The following CST2 variants were observed in gnomAD, a reference collection of about 807,000 sequenced individuals.
CST2 encodes the protein cystatin SA.
Under a neutral mutation model 13.4 loss-of-function variants are expected in CST2, and 26 were observed. The ratio of observed to expected loss-of-function variants is 1.95; its 90% CI spans 1.43 to 2.70. The LOEUF is 2.70. Among genes scored for constraint, CST2 ranks in the 30% most tolerant of loss-of-function variants. CST2 has a pLI of 0.00. For missense variants in CST2, 243 were observed against 173.4 expected (o/e 1.40, Z -2.25); for synonymous variants, 105 against 71.1 (o/e 1.48, Z -2.40).
chr20:23,823,831 A>G lies in CST2; in HGVS notation c.*189T>C. Reference sequence around the variant, plus strand: ...GTGTACCATGTACCAGGGCTATGAGAAGCAAAAGGAAGGAGGGAGGGCAGA... The same window carrying G: ...GTGTACCATGTACCAGGGCTATGAGGAGCAAAAGGAAGGAGGGAGGGCAGA... On this transcript the variant is annotated 3_prime_UTR_variant, in exon 3 of 3. Transcript: ENST00000304725. 1.6e-6 allele frequency: 1 copy of G among 611,240 alleles called. No individual in the cohort carries two copies. Among genetic ancestry groups the G allele is most frequent in the East Asian group, 2.8e-5 (1 of 36,176 alleles). The allele number at this position is 611,240 out of a possible 1,614,324, so 37.9% of individuals were successfully genotyped here. A position where few individuals can be genotyped will look rare whatever the true frequency, so the allele number is the denominator to read the frequency against.
chr20:23,823,885 G>C lies in CST2; in HGVS notation c.*135C>G, dbSNP rs1366696843. On this transcript the variant is annotated 3_prime_UTR_variant, in exon 3 of 3. Transcript: ENST00000304725. ...CCCTGCTGAGCAACAAAGGCCTCCT[G>C]CAGCCTTCTCTGTCTTCTCCTGCTG... 1 of 913,246 alleles carries C rather than the reference G, an allele frequency of 1.1e-6. No homozygotes were observed. The allele number at this position is 913,246 out of a possible 1,614,324, so 56.6% of individuals were successfully genotyped here.
chr20:23,826,344 A>G (rs1217558656), intron 1 of CST2, 89 bp downstream of exon 1: 6 of 991,140 alleles, frequency 6.1e-6, no homozygotes, highest in Middle Eastern at 2.1e-4. Flanking sequence ...TCATGAATGT[A>G]TCAGTGTTGA....
chr20:23,826,464 C>T lies in CST2; in HGVS notation c.197G>A (p.Arg66His), dbSNP rs202098615. The T allele has an allele frequency of 7.6e-5, 123 of 1,614,040 alleles. No homozygotes were observed. The highest frequency in any genetic ancestry group is 2.7e-4 in the Admixed American group (16 of 60,004). The change falls in exon 1 of 3, where the codon CGC (arginine) becomes CAC (histidine). Residue 66 changes from arginine to histidine, a missense_variant. Arg to His is a conservative substitution (Grantham distance 29, BLOSUM62 0). Coordinates refer to ENST00000304725, the MANE Select transcript of CST2 (RefSeq NM_001322.3). ...NKATEDEYYR[R>H]LLRVLRAREQ... is the part of the protein sequence containing the mutation. The stretch of plus-strand genomic sequence containing the variant: ...CCTGGCTCGTAGCACCCGCAGCAGG[C>T]GTCTGTAGTACTCATCTTCAGTGGC...
At chr20:23,824,852 C>T (rs1984776224) in intron 2 of CST2, among the ~76,000 whole-genome samples, 1 of 151,992 alleles carries the variant, frequency 6.6e-6, no homozygotes, top group Non-Finnish European at 1.5e-5. Context: ...AAACACATCA[C>T]CCTCCTCCCT....
chr20:23,826,421 G>C lies in CST2; in HGVS notation c.228+12C>G, dbSNP rs368068289. The C allele has an allele frequency of 6.2e-7, 1 of 1,611,060 alleles. No individual in the cohort carries two copies. Among genetic ancestry groups the C allele is most frequent in the Admixed American group, 1.7e-5 (1 of 60,002 alleles). ...TGGGACTCAGGACCCCTCAGGTGGA[G>C]GCAGCACCCACCTGCTCCCTGGCTC... On this transcript the variant is annotated intron_variant, in intron 1 of 2. Coordinates refer to ENST00000304725, the MANE Select transcript of CST2 (RefSeq NM_001322.3).
intron 1 of CST2, among the ~76,000 whole-genome samples, chr20:23,826,017 C>G (rs1201524543): frequency 1.3e-5 from 2 of 152,198 alleles, no homozygotes; most frequent in African/African-American, 4.8e-5. Flanking sequence ...GTGCTCCACC[C>G]CAGCAGGGAC....
In CST2 at chr20:23,823,951, G is replaced by GGGGTGGGAGCAC; in HGVS notation, c.*68_*69insGTGCTCCCACCC. Reference sequence around the variant, plus strand: ...ACCTCCCACAGGGTGGGGGCCACCAGTCCAGGGGTGGGAGCACTACAAGGG... The same window carrying GGGGTGGGAGCAC: ...ACCTCCCACAGGGTGGGGGCCACCAGGGGTGGGAGCACTCCAGGGGTGGGAGCACTACAAGGG... On this transcript the variant is annotated 3_prime_UTR_variant, in exon 3 of 3. Transcript: ENST00000304725. 1 of 1,556,540 alleles carries GGGGTGGGAGCAC rather than the reference G, an allele frequency of 6.4e-7. No individual in the cohort carries two copies. The highest frequency in any genetic ancestry group is 8.8e-7 in the Non-Finnish European group (1 of 1,130,710).
In CST2 at chr20:23,826,639, G is replaced by A; in HGVS notation, c.22C>T (p.Leu8=). 1 of 1,607,622 alleles carries A rather than the reference G, an allele frequency of 6.2e-7. No individual in the cohort carries two copies. Among genetic ancestry groups the A allele is most frequent in the Non-Finnish European group, 8.5e-7 (1 of 1,177,486 alleles). MAWPLCT[L]LLLLATQAVA... ...GCCTGGGTGGCCAGCAGGAGCAGCAGGGTGCACAGGGGCCAGGCCATGGTC... is the reference window on the plus strand; with the variant it reads ...GCCTGGGTGGCCAGCAGGAGCAGCAAGGTGCACAGGGGCCAGGCCATGGTC... The change falls in exon 1 of 3, where the codon CTG becomes TTG. Residue 8 remains leucine, a synonymous_variant. Transcript: ENST00000304725.
chr20:23,826,560 A>G lies in CST2; in HGVS notation c.101T>C (p.Ile34Thr), dbSNP rs906355249. 3.1e-6 allele frequency: 5 copies of G among 1,613,986 alleles called. No homozygotes were observed. The highest frequency in any genetic ancestry group is 4.2e-6 in the Non-Finnish European group (5 of 1,180,018). The change falls in exon 1 of 3, where the codon ATC (isoleucine) becomes ACC (threonine). Residue 34 changes from isoleucine to threonine, a missense_variant. Transcript: ENST00000304725. ...QEEDRIIEGG[I>T]YDADLNDERV... ...CTCATCATTGAGGTCTGCATCATAG[A>G]TGCCACCCTCGATTATCCTGTCCTC...
chr20:23,825,080 C>T (rs1984786186), intron 2 of CST2, 130 bp downstream of exon 2: 5 of 1,240,978 alleles, frequency 4.0e-6, no homozygotes, highest in Admixed American at 3.6e-5. Flanking sequence ...ATGTATACAT[C>T]CATGCATACA....
In CST2 at chr20:23,826,568, C is replaced by T. The variant is rs755873737; in HGVS notation, c.93G>A (p.Glu31=). 4 of 1,613,934 alleles carry T rather than the reference C, an allele frequency of 2.5e-6. No homozygotes were observed. Among genetic ancestry groups the T allele is most frequent in the Admixed American group, 3.3e-5 (2 of 60,012 alleles). Residue 31 remains glutamate, a synonymous_variant, in exon 1 of 3, where the codon GAG becomes GAA. Coordinates refer to ENST00000304725, the MANE Select transcript of CST2 (RefSeq NM_001322.3). The part of the protein sequence containing the change: ...WSPQEEDRII[E]GGIYDADLND... The stretch of plus-strand genomic sequence containing the variant: ...TGAGGTCTGCATCATAGATGCCACC[C>T]TCGATTATCCTGTCCTCCTCCTGGG...
At chr20:23,824,176 T>A in intron 2 of CST2, 73 bp from the exon 3 acceptor site, 1 of 1,493,890 alleles carries the variant, frequency 6.7e-7, no homozygotes, top group South Asian at 1.2e-5. Flanking sequence ...GCATGAGATG[T>A]CACAGCCTGA....
rs770892847 is a variant in CST2 at position 23,826,529 on chromosome 20, T to C, written c.132A>G (p.Val44=). Residue 44 remains valine (V), a synonymous_variant, in exon 1 of 3, where the codon GTA becomes GTG. Transcript: ENST00000304725. ...TGATGACAAAGTGAAGGGCACGCTG[T>C]ACCCGCTCATCATTGAGGTCTGCAT... The part of the protein sequence containing the change: ...IYDADLNDER[V]QRALHFVISE... 2 of 1,614,158 alleles carry C rather than the reference T, an allele frequency of 1.2e-6. No individual in the cohort carries two copies. Among genetic ancestry groups the C allele is most frequent in the African/African-American group, 2.7e-5 (2 of 75,056 alleles).
chr20:23,823,823 G>T lies in CST2; in HGVS notation c.*197C>A, dbSNP rs1427233173. ...GGGGGTGTGTGTACCATGTACCAGGGCTATGAGAAGCAAAAGGAAGGAGGG... is the reference window on the plus strand; with the variant it reads ...GGGGGTGTGTGTACCATGTACCAGGTCTATGAGAAGCAAAAGGAAGGAGGG... On this transcript the variant is annotated 3_prime_UTR_variant, in exon 3 of 3. Coordinates refer to ENST00000304725, the MANE Select transcript of CST2 (RefSeq NM_001322.3). 7 of 602,244 alleles carry T rather than the reference G, an allele frequency of 1.2e-5. No individual in the cohort carries two copies. Among genetic ancestry groups the T allele is most frequent in the African/African-American group, 9.3e-5 (5 of 53,772 alleles). The allele number at this position is 602,244 out of a possible 1,614,324, so 37.3% of individuals were successfully genotyped here. A position where few individuals can be genotyped will look rare whatever the true frequency, so the allele number is the denominator to read the frequency against.
At position 23,826,478 on chromosome 20, in the gene CST2, A is replaced by T; in HGVS notation, c.183T>A (p.Asp61Glu). 2 of 1,614,130 alleles carry T rather than the reference A, an allele frequency of 1.2e-6. No homozygotes were observed. The highest frequency in any genetic ancestry group is 1.7e-6 in the Non-Finnish European group (2 of 1,180,006). Residue 61 changes from aspartate to glutamate, a missense_variant, in exon 1 of 3, where the codon GAT becomes GAA. Transcript: ENST00000304725. The stretch of plus-strand genomic sequence containing the variant: ...CCCGCAGCAGGCGTCTGTAGTACTC[A>T]TCTTCAGTGGCCTTGTTATACTCGC... ...VISEYNKATE[D>E]EYYRRLLRVL...
In CST2 at chr20:23,826,671, G is replaced by A; in HGVS notation, c.-11C>T. 6.3e-7 allele frequency: 1 copy of A among 1,584,642 alleles called. No individual in the cohort carries two copies. The highest frequency in any genetic ancestry group is 8.6e-7 in the Non-Finnish European group (1 of 1,166,040). On this transcript the variant is annotated 5_prime_UTR_variant, in exon 1 of 3. Coordinates refer to ENST00000304725, the MANE Select transcript of CST2 (RefSeq NM_001322.3). The stretch of plus-strand genomic sequence containing the variant: ...CAGGGGCCAGGCCATGGTCTCCTCG[G>A]AGGCAGAGCACAGAGCTGGAGCTGC...
Position 23,823,852 on chromosome 20 carries a change from G to A in CST2, c.*168C>T, listed in dbSNP as rs1285244269. 12 of 655,640 alleles carry A rather than the reference G, an allele frequency of 1.8e-5. No homozygotes were observed. The highest frequency in any genetic ancestry group is 2.7e-5 in the Non-Finnish European group (10 of 375,526). The allele number at this position is 655,640 out of a possible 1,614,324, so 40.6% of individuals were successfully genotyped here. ...TGAGAAGCAAAAGGAAGGAGGGAGGGCAGAGTCCCCTGCTGAGCAACAAAG... is the reference window on the plus strand; with the variant it reads ...TGAGAAGCAAAAGGAAGGAGGGAGGACAGAGTCCCCTGCTGAGCAACAAAG... On this transcript the variant is annotated 3_prime_UTR_variant, in exon 3 of 3. Coordinates refer to ENST00000304725, the MANE Select transcript of CST2 (RefSeq NM_001322.3).
At chr20:23,825,187 T>A in intron 2 of CST2, 23 bp downstream of exon 2, 3 of 1,613,474 alleles carry the variant, frequency 1.9e-6, no homozygotes, top group Non-Finnish European at 2.5e-6. Context: ...ATGACTGGCC[T>A]GGGACCCGCA....
Position 23,824,424 on chromosome 20 carries a change from C to T in CST2, c.343-321G>A, listed in dbSNP as rs556466422. ...AGGGCATGGGGAGGTGGCTCACTTC[C>T]CCCAGCTCCTTCCACCTCCAGCACT... On this transcript the variant is annotated intron_variant, in intron 2 of 2. Coordinates refer to ENST00000304725, the MANE Select transcript of CST2 (RefSeq NM_001322.3). Among the ~76,000 whole-genome samples the T allele has an allele frequency of 3.2e-4, 49 of 152,206 alleles. 1 individual carries two copies. Among genetic ancestry groups the T allele is most frequent in the Non-Finnish European group, 5.9e-4 (40 of 67,998 alleles).
Sources: gnomAD v4.1 joint callset for allele counts (sites outside exome capture counted in the v4.1 genomes callset) on GRCh38, gnomAD v4.1.1 for gene constraint, MANE v1.5 for transcripts, NCBI Gene and HGNC (gene_info 2026-07-23, HGNC 2026-07-21) for gene names.